The following UBASH3A variants were observed in gnomAD, a reference collection of about 807,000 sequenced individuals.
The protein encoded by UBASH3A is ubiquitin associated and SH3 domain containing A, also known as ubiquitin-associated and SH3 domain-containing protein A.
UBASH3A carries 63 observed loss-of-function variants against 73.5 expected under a neutral mutation model. The ratio of observed to expected loss-of-function variants is 0.86; its 90% CI spans 0.70 to 1.06. UBASH3A has a LOEUF of 1.06. Ranked by LOEUF, UBASH3A falls within the 50% of genes least tolerant of loss-of-function variation. UBASH3A has a pLI of 0.00. For missense variants in UBASH3A, 860 were observed against 859.0 expected, an observed-to-expected ratio of 1.00 and a Z score of -0.02; for synonymous variants, 363 against 351.1, an observed-to-expected ratio of 1.03 and a Z score of -0.38.
intron 7 of UBASH3A, among the ~76,000 whole-genome samples, chr21:42,421,904 A>C (rs761466214): frequency 3.9e-5 from 6 of 152,270 alleles, no homozygotes; most frequent in Non-Finnish European, 8.8e-5. Flanking sequence ...GCTCTTGGTG[A>C]AATGATTAGA....
chr21:42,405,990 G>T (rs996720719), intron 1 of UBASH3A, among the ~76,000 whole-genome samples: 6 of 150,936 alleles, frequency 4.0e-5, no homozygotes, highest in Admixed American at 1.3e-4. Flanking sequence ...CAGTGGGGGG[G>T]GGGGGGGCAG....
At chr21:42,412,259 C>G (rs542534843) in intron 3 of UBASH3A, among the ~76,000 whole-genome samples, 9 of 152,152 alleles carry the variant, frequency 5.9e-5, no homozygotes, top group Non-Finnish European at 1.2e-4. Flanking sequence ...GGGCCAGCAC[C>G]TGTCGGGCTC....
chr21:42,425,759 G>A (rs1234193508), intron 7 of UBASH3A, among the ~76,000 whole-genome samples: 1 of 151,132 alleles, frequency 6.6e-6, no homozygotes, highest in Non-Finnish European at 1.5e-5. Context: ...GTGGAGGAGT[G>A]GGAGCTACTG....
chr21:42,429,244 C>T (rs1464184107), intron 8 of UBASH3A, among the ~76,000 whole-genome samples: 1 of 152,214 alleles, frequency 6.6e-6, no homozygotes, highest in East Asian at 1.9e-4. Context: ...TGACTTTGGA[C>T]TTCCAGCCTC....
At chr21:42,418,303 C>A in intron 6 of UBASH3A, 98 bp from the exon 7 acceptor site, 6 of 1,025,304 alleles carry the variant, frequency 5.9e-6, no homozygotes, top group Admixed American at 1.8e-5. Flanking sequence ...ATTGGAGGGG[C>A]AGAAAGCAGG....
At chr21:42,407,510 C>A (rs1187331221) in intron 2 of UBASH3A, among the ~76,000 whole-genome samples, 2 of 152,230 alleles carry the variant, frequency 1.3e-5, no homozygotes, top group Non-Finnish European at 2.9e-5. Context: ...AGACTAGGAA[C>A]CCCACCAAAA....
chr21:42,411,957 C>T (rs779906565), intron 3 of UBASH3A, among the ~76,000 whole-genome samples: 82 of 152,102 alleles, frequency 5.4e-4, no homozygotes, highest in African/African-American at 1.7e-3. Context: ...CATGGGGAGA[C>T]GGAAGCTGCA....
At chr21:42,421,119 C>T (rs374752466) in intron 7 of UBASH3A, among the ~76,000 whole-genome samples, 4 of 152,246 alleles carry the variant, frequency 2.6e-5, no homozygotes. Context: ...CTTTTTCACT[C>T]TCTTCTCCCA....
intron 14 of UBASH3A, among the ~76,000 whole-genome samples, chr21:42,445,284 T>C (rs773518814): frequency 5.3e-5 from 8 of 152,176 alleles, no homozygotes; most frequent in Non-Finnish European, 1.0e-4. Flanking sequence ...TCCCTGCAGA[T>C]CTACTCAAGG....
chr21:42,441,412 G>A (rs925731156), intron 11 of UBASH3A, among the ~76,000 whole-genome samples: 14 of 149,154 alleles, frequency 9.4e-5, no homozygotes, highest in Non-Finnish European at 1.0e-4. Flanking sequence ...GGGAGATTTC[G>A]GGGGCCTGGT....
intron 3 of UBASH3A, 80 bp downstream of exon 3, chr21:42,409,688 A>T (rs2146496150): frequency 7.6e-7 from 1 of 1,321,138 alleles, no homozygotes; most frequent in East Asian, 2.3e-5. Context: ...GATGGGACAA[A>T]GTTGACTTAT....
At chr21:42,425,887 G>A (rs1244261504) in intron 7 of UBASH3A, among the ~76,000 whole-genome samples, 1 of 152,118 alleles carries the variant, frequency 6.6e-6, no homozygotes, top group Non-Finnish European at 1.5e-5. Flanking sequence ...AAACTGTGGT[G>A]GTGTGTCAGT....
At chr21:42,444,272 C>A (rs755889106) in intron 13 of UBASH3A, among the ~76,000 whole-genome samples, 3 of 152,320 alleles carry the variant, frequency 2.0e-5, no homozygotes, top group African/African-American at 7.2e-5. Context: ...AGGCAGCCAG[C>A]GACCACAGGG....
chr21:42,437,112 C>T (rs937083878), intron 10 of UBASH3A, among the ~76,000 whole-genome samples: 1 of 152,250 alleles, frequency 6.6e-6, no homozygotes, highest in African/African-American at 2.4e-5. Context: ...TGCCCACATT[C>T]CTTGCCATGT....
chr21:42,412,918 C>T, intron 3 of UBASH3A, 106 bp from the exon 4 acceptor site: 1 of 990,334 alleles, frequency 1.0e-6, no homozygotes. Flanking sequence ...GCGCTTTGAA[C>T]AGAAAAGAAT....
intron 6 of UBASH3A, among the ~76,000 whole-genome samples, chr21:42,416,945 T>G (rs1333197960): frequency 2.0e-5 from 3 of 149,994 alleles, no homozygotes; most frequent in African/African-American, 7.4e-5. Context: ...AAGAAGCAGA[T>G]GAGTGAACGG....
chr21:42,420,898 G>C (rs2146535804), intron 7 of UBASH3A, among the ~76,000 whole-genome samples: 1 of 152,350 alleles, frequency 6.6e-6, no homozygotes, highest in African/African-American at 2.4e-5. Context: ...GCAGCACCTA[G>C]ACTAGCATTT....
intron 11 of UBASH3A, among the ~76,000 whole-genome samples, chr21:42,441,482 G>T (rs1261692657): frequency 7.1e-6 from 1 of 140,380 alleles, no homozygotes; most frequent in African/African-American, 2.6e-5. Flanking sequence ...CTGGTTGATG[G>T]AGGAGGACTT....
At chr21:42,406,280 CTT>C in intron 1 of UBASH3A, 26 bp from the exon 2 acceptor site, 1 of 1,609,240 alleles carries the variant, frequency 6.2e-7, no homozygotes. Context: ...GGCGACGTGA[CTT>C]TGTGTCTGTG....
Sources: allele counts gnomAD v4.1 joint callset (sites outside exome capture counted in the v4.1 genomes callset), GRCh38; gene constraint gnomAD v4.1.1; transcripts MANE v1.5; gene names NCBI Gene and HGNC (gene_info 2026-07-23, HGNC 2026-07-21).